Variants in APRT observed in about 807,000 individuals in gnomAD.
The protein encoded by APRT is AMP diphosphorylase.
Under a neutral mutation model 21.0 loss-of-function variants are expected in APRT, and 25 were observed. The ratio of observed to expected loss-of-function variants is 1.19; its 90% CI spans 0.87 to 1.66. The LOEUF (loss-of-function observed/expected upper bound fraction) is 1.66. APRT is among the 40% of genes most tolerant of loss of function. The pLI, the probability that APRT is intolerant of heterozygous loss-of-function variation, is 0.00. For missense variants in APRT, 294 were observed against 232.7 expected, an observed-to-expected ratio of 1.26 and a Z score of -1.72; for synonymous variants, 153 against 109.0, an observed-to-expected ratio of 1.40 and a Z score of -2.52.
rs2142952237 is a variant in APRT, at chr16:88,810,416, C to T, written c.321+7G>A. ...TGCCCTTCCTCTGGCCACCCCAGCCCTCTTACCTTCCCGTACTCCAGGGAA... is the reference window on the plus strand; with the variant it reads ...TGCCCTTCCTCTGGCCACCCCAGCCTTCTTACCTTCCCGTACTCCAGGGAA... On this transcript the variant is annotated splice_region_variant and intron_variant, in intron 3 of 4. Coordinates refer to ENST00000378364, the MANE Select transcript of APRT (RefSeq NM_000485.3). 1 of 1,611,620 alleles carries T rather than the reference C, an allele frequency of 6.2e-7. No homozygotes were observed. The highest frequency in any genetic ancestry group is 1.1e-5 in the South Asian group (1 of 91,076).
rs746541257 is a variant in APRT, at chr16:88,811,894, G to T, written c.6C>A (p.Ala2=). 3 of 1,552,322 alleles carry T rather than the reference G, an allele frequency of 1.9e-6. No homozygotes were observed. Among genetic ancestry groups the T allele is most frequent in the African/African-American group, 1.4e-5 (1 of 72,978 alleles). M[A]DSELQLVEQR... is the part of the protein sequence containing the mutation. ...GCTCAACCAGCTGCAGCTCGGAGTCGGCCATGGCCGCGTGCGAAGAGCCAG... is the reference window on the plus strand; with the variant it reads ...GCTCAACCAGCTGCAGCTCGGAGTCTGCCATGGCCGCGTGCGAAGAGCCAG... The change falls in exon 1 of 5, where the codon GCC becomes GCA. Residue 2 remains alanine, a synonymous_variant. Coordinates refer to ENST00000378364, the MANE Select transcript of APRT (RefSeq NM_000485.3).
In APRT at chr16:88,811,631, G is replaced by A. The variant is rs778579890; in HGVS notation, c.106C>T (p.Pro36Ser). The A allele has an allele frequency of 1.2e-6, 2 of 1,600,582 alleles. No homozygotes were observed. The highest frequency in any genetic ancestry group is 1.3e-5 in the African/African-American group (1 of 74,656). The change falls in exon 2 of 5, where the codon CCC (proline) becomes TCC (serine). Residue 36 changes from proline (P) to serine (S), a missense_variant. Coordinates refer to ENST00000378364, the MANE Select transcript of APRT (RefSeq NM_000485.3). ...CCGATGGCGGCGCGGAAGGAGGCGG[G>A]GTCCTTCAGGACGGGCGAGATGTCC... ...FRDISPVLKD[P>S]ASFRAAIGLL...
Position 88,809,355 on chromosome 16 carries a change from C to T in APRT, c.*343G>A, listed in dbSNP as rs1909009570. 1 of 472,466 alleles carries T rather than the reference C, an allele frequency of 2.1e-6. No homozygotes were observed. The highest frequency in any genetic ancestry group is 2.0e-5 in the African/African-American group (1 of 51,202). 29.3% of individuals were successfully genotyped at this position (472,466 alleles called of 1,614,324 possible). A position where few individuals can be genotyped will look rare whatever the true frequency, so the allele number is the denominator to read the frequency against. On this transcript the variant is annotated 3_prime_UTR_variant, in exon 5 of 5. Coordinates refer to ENST00000378364, the MANE Select transcript of APRT (RefSeq NM_000485.3). ...GGGTTCTAGCTCCTGAGGTGAGAAC[C>T]AGGACAGGTTCTGCTGGGCATCACG...
rs140070863 is a variant in APRT, at chr16:88,809,722, G to A, written c.519C>T (p.Phe173=). Residue 173 remains phenylalanine (F), a synonymous_variant, in exon 5 of 5, where the codon TTC becomes TTT. Coordinates refer to ENST00000378364, the MANE Select transcript of APRT (RefSeq NM_000485.3). Reference sequence around the variant, plus strand: ...GTCACTCATACTGCAGGAGAGAGAAGAAGGGTACAGGTGCCAGCTTCTCCC... The same window carrying A: ...GTCACTCATACTGCAGGAGAGAGAAAAAGGGTACAGGTGCCAGCTTCTCCC... The part of the protein sequence containing the change: ...KGREKLAPVP[F]FSLLQYE The A allele has an allele frequency of 1.2e-6, 2 of 1,613,314 alleles. No individual in the cohort carries two copies. Among genetic ancestry groups the A allele is most frequent in the African/African-American group, 1.3e-5 (1 of 74,932 alleles).
chr16:88,809,895 TC>T, intron 4 of APRT, 55 bp from the exon 5 acceptor site: 1 of 1,599,248 alleles, frequency 6.3e-7, no homozygotes, highest in Non-Finnish European at 8.5e-7. Context: ...GAGCAGGTGC[TC>T]CAGGCCAGCC....
chr16:88,811,340 C>G (rs1024459873), intron 2 of APRT: 6 of 600,156 alleles, frequency 1.0e-5, no homozygotes, highest in Non-Finnish European at 1.7e-5. Flanking sequence ...GGCTGGGGAC[C>G]CGGAACCTGC....
chr16:88,810,708 G>A, intron 2 of APRT, 152 bp from the exon 3 acceptor site: 1 of 1,083,450 alleles, frequency 9.2e-7, no homozygotes, highest in South Asian at 1.5e-5. Flanking sequence ...ACCCGGAGCT[G>A]CTTCCAGGTC....
rs1251655065 is a variant in APRT, at chr16:88,809,560, C to T, written c.*138G>A. On this transcript the variant is annotated 3_prime_UTR_variant, in exon 5 of 5. Transcript: ENST00000378364. ...GCTTTGCCCCAGGCTTTGGCACTTC[C>T]AGCCCCAGGAGAGGCGCTGAACCCC... The T allele has an allele frequency of 7.2e-7, 1 of 1,397,912 alleles. No individual in the cohort carries two copies. Among genetic ancestry groups the T allele is most frequent in the Non-Finnish European group, 1.0e-6 (1 of 1,003,298 alleles). 86.6% of individuals were successfully genotyped at this position (1,397,912 alleles called of 1,614,324 possible). A position where few individuals can be genotyped will look rare whatever the true frequency, so the allele number is the denominator to read the frequency against.
Position 88,811,896 on chromosome 16 carries a change from C to A in APRT, c.4G>T (p.Ala2Ser), listed in dbSNP as rs756735798. 6.4e-7 allele frequency: 1 copy of A among 1,551,518 alleles called. No individual in the cohort carries two copies. The highest frequency in any genetic ancestry group is 8.7e-7 in the Non-Finnish European group (1 of 1,150,736). The change falls in exon 1 of 5, where the codon GCC becomes TCC. Residue 2 changes from alanine (A) to serine (S), a missense_variant. Coordinates refer to ENST00000378364, the MANE Select transcript of APRT (RefSeq NM_000485.3). ...TCAACCAGCTGCAGCTCGGAGTCGGCCATGGCCGCGTGCGAAGAGCCAGCG... is the reference window on the plus strand; with the variant it reads ...TCAACCAGCTGCAGCTCGGAGTCGGACATGGCCGCGTGCGAAGAGCCAGCG... MADSELQLVEQR... is the reference protein window; with the variant it reads MSDSELQLVEQR...
At position 88,811,853 on chromosome 16, in the gene APRT, A is replaced by G; in HGVS notation, c.47T>C (p.Phe16Ser). Residue 16 changes from phenylalanine (F) to serine (S), a missense_variant, in exon 1 of 5, where the codon TTC becomes TCC. Phe to Ser is a radical substitution (Grantham distance 155). Coordinates refer to ENST00000378364, the MANE Select transcript of APRT (RefSeq NM_000485.3). ...LQLVEQRIRS[F>S]PDFPTPGVVF... ...CACGCCTGGGGTGGGGAAGTCGGGG[A>G]AGCTGCGGATCCGCTGCTCAACCAG... 5.1e-6 allele frequency: 8 copies of G among 1,573,072 alleles called. No individual in the cohort carries two copies. The highest frequency in any genetic ancestry group is 6.9e-6 in the Non-Finnish European group (8 of 1,161,304).
Position 88,810,094 on chromosome 16 carries a change from C to T in APRT, c.376G>A (p.Val126Met), listed in dbSNP as rs75205792. ...CCACCAGTGGCCAGCAGATCATCCA[C>T]GACGACCACCCTCTGTCCTGGCTCC... ...ALEPGQRVVV[V>M]DDLLATGGTM... is the part of the protein sequence containing the mutation. The change falls in exon 4 of 5, where the codon GTG becomes ATG. Residue 126 changes from valine (V) to methionine (M), a missense_variant. Transcript: ENST00000378364. 269 of 1,613,284 alleles carry T rather than the reference C, an allele frequency of 1.7e-4. No individual in the cohort carries two copies. Among genetic ancestry groups the T allele is most frequent in the Admixed American group, 1.1e-3 (66 of 60,030 alleles).
At chr16:88,810,961 G>A (rs917469266) in intron 2 of APRT, among the ~76,000 whole-genome samples, 1 of 152,186 alleles carries the variant, frequency 6.6e-6, no homozygotes, top group Non-Finnish European at 1.5e-5. Flanking sequence ...GCCCCGGCCT[G>A]GCAGGAGGTC....
In APRT at chr16:88,811,714, G is replaced by T. The variant is rs8191471; in HGVS notation, c.81-58C>A. Reference sequence around the variant, plus strand: ...GCCGAAGGAGGGCAGGGCCCCGGGGGCGAAAGACGAGGGTTCCCGCCCCGC... The same window carrying T: ...GCCGAAGGAGGGCAGGGCCCCGGGGTCGAAAGACGAGGGTTCCCGCCCCGC... On this transcript the variant is annotated intron_variant, in intron 1 of 4. Transcript: ENST00000378364. The T allele has an allele frequency of 4.3e-3, 6,443 of 1,506,706 alleles. 41 individuals are homozygous for T. Among genetic ancestry groups the T allele is most frequent in the African/African-American group, 0.018 (1,276 of 70,092 alleles). 93.3% of individuals were successfully genotyped at this position (1,506,706 alleles called of 1,614,324 possible). A position where few individuals can be genotyped will look rare whatever the true frequency, so the allele number is the denominator to read the frequency against.
At position 88,811,535 on chromosome 16, in the gene APRT, C is replaced by A; in HGVS notation, c.187+15G>T. The A allele has an allele frequency of 6.3e-7, 1 of 1,575,948 alleles. No homozygotes were observed. Among genetic ancestry groups the A allele is most frequent in the Non-Finnish European group, 8.6e-7 (1 of 1,162,310 alleles). ...AGAGGCGGAAGCGCCCTAGATGCGG[C>A]CACTGGGCACTCGCCTGCGATGTAG... On this transcript the variant is annotated intron_variant, in intron 2 of 4. Coordinates refer to ENST00000378364, the MANE Select transcript of APRT (RefSeq NM_000485.3).
Position 88,811,826 on chromosome 16 carries a change from A to G in APRT, c.74T>C (p.Val25Ala), listed in dbSNP as rs1340588864. Residue 25 changes from valine (V) to alanine (A), a missense_variant, in exon 1 of 5, where the codon GTA becomes GCA. Transcript: ENST00000378364. The stretch of plus-strand genomic sequence containing the variant: ...GGGCGGCCTGTGCGTGCACCTGAAT[A>G]CCACGCCTGGGGTGGGGAAGTCGGG... ...SFPDFPTPGV[V>A]FRDISPVLKD... 1.9e-6 allele frequency: 3 copies of G among 1,568,948 alleles called. No homozygotes were observed. The highest frequency in any genetic ancestry group is 1.7e-6 in the Non-Finnish European group (2 of 1,159,018).
chr16:88,809,703 C>T lies in APRT; in HGVS notation c.538G>A (p.Glu180Lys), dbSNP rs2142950741. 1 of 1,613,390 alleles carries T rather than the reference C, an allele frequency of 6.2e-7. No homozygotes were observed. Among genetic ancestry groups the T allele is most frequent in the Non-Finnish European group, 8.5e-7 (1 of 1,180,006 alleles). ...TGGGCTGGGAGGCCCTGTGGTCACT[C>T]ATACTGCAGGAGAGAGAAGAAGGGT... is the stretch of plus-strand genomic sequence containing the variant. ...PVPFFSLLQY[E>K] The change falls in exon 5 of 5, where the codon GAG (glutamate) becomes AAG (lysine). Residue 180 changes from glutamate (E) to lysine (K), a missense_variant. Glu to Lys is a moderately conservative substitution (Grantham distance 56). Transcript: ENST00000378364.
rs1280860630 is a variant in APRT at position 88,811,596 on chromosome 16, C to G, written c.141G>C (p.Ala47=). 6.2e-7 allele frequency: 1 copy of G among 1,604,022 alleles called. No individual in the cohort carries two copies. The highest frequency in any genetic ancestry group is 1.7e-5 in the Admixed American group (1 of 59,194). ...CCCCGTGGGTCGCCTTCAGGTGTCG[C>G]GCCAGGAGGCCGATGGCGGCGCGGA... The part of the protein sequence containing the change: ...ASFRAAIGLL[A]RHLKATHGGR... Residue 47 remains alanine (A), a synonymous_variant, in exon 2 of 5, where the codon GCG becomes GCC. Coordinates refer to ENST00000378364, the MANE Select transcript of APRT (RefSeq NM_000485.3).
intron 2 of APRT, 76 bp downstream of exon 2, chr16:88,811,474 G>A (rs761100561): frequency 1.4e-5 from 20 of 1,435,360 alleles, no homozygotes; most frequent in Middle Eastern, 3.4e-4. Context: ...CCCCCAAGCA[G>A]ACGCGCAGAG....
In APRT at chr16:88,810,565, G is replaced by GT. The variant is rs1296727472; in HGVS notation, c.188-10dup. 8 of 1,610,270 alleles carry GT rather than the reference G, an allele frequency of 5.0e-6. No homozygotes were observed. The highest frequency in any genetic ancestry group is 4.2e-6 in the Non-Finnish European group (5 of 1,179,312). ...GCCTCGGGAGTCTAGGCCTGTCAGG[G>GT]TAAGTGACAGGAGTGACTCGGCAGC... On this transcript the variant is annotated splice_polypyrimidine_tract_variant and intron_variant, in intron 2 of 4. Coordinates refer to ENST00000378364, the MANE Select transcript of APRT (RefSeq NM_000485.3).
Sources: gnomAD v4.1 joint callset for allele counts (sites outside exome capture counted in the v4.1 genomes callset) on GRCh38, gnomAD v4.1.1 for gene constraint, MANE v1.5 for transcripts, NCBI Gene and HGNC (gene_info 2026-07-23, HGNC 2026-07-21) for gene names.